The following RAPGEF6 variants were observed in gnomAD, a reference collection of about 807,000 sequenced individuals.
The protein encoded by RAPGEF6 is PDZ domain containing guanine nucleotide exchange factor (GEF) 2.
Under a neutral mutation model 171.4 loss-of-function variants are expected in RAPGEF6, and 56 were observed. The observed-to-expected ratio is 0.33, with a 90% confidence interval of 0.26 to 0.41. The LOEUF (loss-of-function observed/expected upper bound fraction) is 0.41, where lower values mean the gene tolerates loss of function less well. Ranked by LOEUF, RAPGEF6 falls within the 10% of genes least tolerant of loss-of-function variation. RAPGEF6 has a pLI of 1.00. For synonymous variants in RAPGEF6, 692 were observed against 650.1 expected, an observed-to-expected ratio of 1.06 and a Z score of -0.98; for missense variants, 1,674 against 1,921.4, an observed-to-expected ratio of 0.87 and a Z score of 2.41.
intron 16 of RAPGEF6, among the ~76,000 whole-genome samples, chr5:131,473,543 A>C (rs1754896274): frequency 6.6e-6 from 1 of 152,180 alleles, no homozygotes. Flanking sequence ...GCAGTGAAAA[A>C]AATTTCCATC....
chr5:131,549,347 G>C (rs1760762435), intron 5 of RAPGEF6, among the ~76,000 whole-genome samples: 1 of 151,662 alleles, frequency 6.6e-6, no homozygotes, highest in Admixed American at 6.6e-5. Flanking sequence ...AAATTTCCTA[G>C]GCACCCACCC....
intron 4 of RAPGEF6, among the ~76,000 whole-genome samples, chr5:131,582,540 T>C (rs951586786): frequency 4.0e-4 from 61 of 152,194 alleles, no homozygotes; most frequent in African/African-American, 1.5e-3. Context: ...CTTGGGTTAA[T>C]AGCAGATTTT....
chr5:131,428,752 G>A (rs1751521160), intron 27 of RAPGEF6, 150 bp downstream of exon 27: 2 of 875,192 alleles, frequency 2.3e-6, no homozygotes, highest in Admixed American at 5.7e-5. Flanking sequence ...GTGAGCCACT[G>A]CACCCTGCCG....
rs1269529729 is a variant in RAPGEF6 at position 131,524,641 on chromosome 5, AG to A, written c.496-3121del. 8.5e-3 allele frequency among the ~76,000 whole-genome samples: 1,105 copies of A among 130,244 alleles called. 8 individuals are homozygous for A. Among genetic ancestry groups the A allele is most frequent in the African/African-American group, 0.028 (1,023 of 36,964 alleles). The allele number at this position is 130,244 out of a possible 152,430, so 85.4% of individuals were successfully genotyped here. ...GAGAGAGAGAGAGAGAGAGAGAGAG[AG>A]ACTTGCTCTGTCACCTACGCTGGAG... On this transcript the variant is annotated intron_variant, in intron 6 of 27. Transcript: ENST00000509018.
At chr5:131,618,607 C>G (rs978938422) in intron 1 of RAPGEF6, among the ~76,000 whole-genome samples, 5 of 152,138 alleles carry the variant, frequency 3.3e-5, no homozygotes, top group South Asian at 4.1e-4. Context: ...CACTGCACTG[C>G]AGCCTGAGTG....
rs748973189 is a variant in RAPGEF6, at chr5:131,548,110, T to G, written c.432A>C (p.Lys144Asn). 3.7e-6 allele frequency: 6 copies of G among 1,613,968 alleles called. No individual in the cohort carries two copies. The highest frequency in any genetic ancestry group is 1.7e-5 in the Admixed American group (1 of 59,998). ...PARQSRRRFR[K>N]INYKGERQTI... ...TTTGGCGCTCTCCTTTATAGTTAAT[T>G]TTCCGAAATCTTCTTCGGGATTGTC... The change falls in exon 6 of 28, where the codon AAA becomes AAC. Residue 144 changes from lysine (K) to asparagine (N), a missense_variant. Transcript: ENST00000509018.
intron 4 of RAPGEF6, among the ~76,000 whole-genome samples, chr5:131,569,339 A>G (rs1363474395): frequency 6.6e-6 from 1 of 152,240 alleles, no homozygotes; most frequent in African/African-American, 2.4e-5. Flanking sequence ...AATAATCAAG[A>G]CAGTCAGGAT....
chr5:131,452,576 G>A (rs1753169759), intron 21 of RAPGEF6, among the ~76,000 whole-genome samples: 1 of 148,706 alleles, frequency 6.7e-6, no homozygotes, highest in Non-Finnish European at 1.5e-5. Context: ...AATTAGCTTA[G>A]AAACGAGATG....
intron 5 of RAPGEF6, among the ~76,000 whole-genome samples, chr5:131,561,172 A>G (rs1581026336): frequency 6.6e-6 from 1 of 152,338 alleles, no homozygotes; most frequent in East Asian, 1.9e-4. Flanking sequence ...GAAAAAATAA[A>G]GAATTATTCC....
intron 17 of RAPGEF6, among the ~76,000 whole-genome samples, chr5:131,468,247 G>T (rs2149842510): frequency 6.7e-6 from 1 of 148,650 alleles, no homozygotes; most frequent in African/African-American, 2.5e-5. Context: ...CAGGAGAATG[G>T]CATGAACCCG....
chr5:131,575,664 A>G (rs1248823967), intron 4 of RAPGEF6, among the ~76,000 whole-genome samples: 1 of 152,164 alleles, frequency 6.6e-6, no homozygotes, highest in African/African-American at 2.4e-5. Flanking sequence ...ACAGACCCTA[A>G]GTCCTTTCCC....
At chr5:131,519,290 T>A (rs914886667) in intron 7 of RAPGEF6, among the ~76,000 whole-genome samples, 2 of 152,244 alleles carry the variant, frequency 1.3e-5, no homozygotes, top group Non-Finnish European at 2.9e-5. Flanking sequence ...GTCCATCTTC[T>A]AGTTCACAAT....
intron 1 of RAPGEF6, among the ~76,000 whole-genome samples, chr5:131,612,828 G>A (rs924795412): frequency 9.2e-5 from 14 of 152,038 alleles, no homozygotes; most frequent in African/African-American, 2.9e-4. Context: ...GACATCTTCG[G>A]CACATCATTA....
chr5:131,625,545 G>C (rs1410349837), intron 1 of RAPGEF6, among the ~76,000 whole-genome samples: 1 of 152,090 alleles, frequency 6.6e-6, no homozygotes, highest in African/African-American at 2.4e-5. Context: ...GCTGGGCACG[G>C]TGGCTCACAC....
At chr5:131,515,699 C>G (rs1052676014) in intron 7 of RAPGEF6, among the ~76,000 whole-genome samples, 1 of 152,140 alleles carries the variant, frequency 6.6e-6, no homozygotes, top group Non-Finnish European at 1.5e-5. Flanking sequence ...GTTGGAAAGA[C>G]ATGGGAGATA....
At chr5:131,524,911 T>A (rs189164398) in intron 6 of RAPGEF6, among the ~76,000 whole-genome samples, 9 of 152,290 alleles carry the variant, frequency 5.9e-5, no homozygotes, top group Non-Finnish European at 1.2e-4. Context: ...CCACCTTGCC[T>A]GGCCAAGGTG....
rs377587895 is a variant in RAPGEF6 at position 131,505,547 on chromosome 5, T to C, written c.943-25A>G. On this transcript the variant is annotated intron_variant, in intron 9 of 27. Transcript: ENST00000509018. The stretch of plus-strand genomic sequence containing the variant: ...GCTATAGAGAAAAACAAAGGTTTTA[T>C]GAATCTTTTTAAAAAAGGTAGTTAC... The C allele has an allele frequency of 6.3e-6, 10 of 1,588,488 alleles. No homozygotes were observed. In the South Asian group the frequency reaches 9.0e-5, roughly 14 times the overall value.
At chr5:131,579,946 C>T (rs541536730) in intron 4 of RAPGEF6, among the ~76,000 whole-genome samples, 1 of 152,384 alleles carries the variant, frequency 6.6e-6, no homozygotes, top group East Asian at 1.9e-4. Context: ...CAAGACCCCA[C>T]CCGACTCAGG....
At chr5:131,530,376 C>T (rs1759292985) in intron 6 of RAPGEF6, among the ~76,000 whole-genome samples, 1 of 152,076 alleles carries the variant, frequency 6.6e-6, no homozygotes, top group South Asian at 2.1e-4. Context: ...ATTCATTCTT[C>T]CCCAACCCCC....
Sources: gnomAD v4.1 joint callset for allele counts (sites outside exome capture counted in the v4.1 genomes callset) on GRCh38, gnomAD v4.1.1 for gene constraint, MANE v1.5 for transcripts, NCBI Gene and HGNC (gene_info 2026-07-23, HGNC 2026-07-21) for gene names.